FILIP1: variants seen among roughly 807,000 people sequenced by gnomAD.
The protein encoded by FILIP1 is filamin A interacting protein 1.
FILIP1 carries 61 observed loss-of-function variants against 102.1 expected under a neutral mutation model. The ratio of observed to expected loss-of-function variants is 0.60; its 90% CI spans 0.49 to 0.74. The LOEUF (loss-of-function observed/expected upper bound fraction) is 0.74. Ranked by LOEUF, FILIP1 falls within the 30% of genes least tolerant of loss-of-function variation. The probability of loss-of-function intolerance (pLI) is 0.00; values close to 1 mark genes in which losing one functional copy is unlikely to be tolerated. For missense variants in FILIP1, 1,314 were observed against 1,441.2 expected, an observed-to-expected ratio of 0.91 and a Z score of 1.43; for synonymous variants, 491 against 526.9, an observed-to-expected ratio of 0.93 and a Z score of 0.93.
intron 1 of FILIP1, among the ~76,000 whole-genome samples, chr6:75,443,606 T>C (rs1171743281): frequency 6.6e-6 from 1 of 152,186 alleles, no homozygotes; most frequent in Non-Finnish European, 1.5e-5. Context: ...ACATATCCTA[T>C]TTGCCAAGCA....
At chr6:75,353,978 G>A (rs560325324) in intron 3 of FILIP1, among the ~76,000 whole-genome samples, 2 of 151,562 alleles carry the variant, frequency 1.3e-5, no homozygotes, top group Non-Finnish European at 2.9e-5. Context: ...TTCCTTTTTT[G>A]GGGGGGTGGG....
At chr6:75,425,528 C>G (rs548174196) in intron 1 of FILIP1, among the ~76,000 whole-genome samples, 9 of 152,192 alleles carry the variant, frequency 5.9e-5, no homozygotes, top group Non-Finnish European at 1.3e-4. Flanking sequence ...CAGCTCCACA[C>G]TGGCCTTAAG....
At chr6:75,304,441 C>A (rs1173797577), downstream of FILIP1, among the ~76,000 whole-genome samples, 1 of 152,136 alleles carries the variant, frequency 6.6e-6, no homozygotes, top group Non-Finnish European at 1.5e-5. Flanking sequence ...GTCTCAAACT[C>A]CTGAGCTCTA....
At chr6:75,405,382 T>C (rs147838399) in intron 2 of FILIP1, among the ~76,000 whole-genome samples, 439 of 152,060 alleles carry the variant, frequency 2.9e-3, no homozygotes, top group Non-Finnish European at 5.2e-3. Flanking sequence ...TCTCTGGCTA[T>C]GTAAAACAAC....
At chr6:75,409,816 T>C (rs1016906520) in intron 2 of FILIP1, among the ~76,000 whole-genome samples, 1 of 152,090 alleles carries the variant, frequency 6.6e-6, no homozygotes, top group Non-Finnish European at 1.5e-5. Context: ...CCTGGACCCA[T>C]GACTCCTGAC....
downstream of FILIP1, among the ~76,000 whole-genome samples, chr6:75,307,023 GA>G: frequency 6.6e-6 from 1 of 152,164 alleles, no homozygotes; most frequent in African/African-American, 2.4e-5. Context: ...GGCTGGTCTC[GA>G]ACTCCTGGCC....
intron 1 of FILIP1, among the ~76,000 whole-genome samples, chr6:75,424,971 C>T (rs1777583287): frequency 1.3e-5 from 2 of 152,050 alleles, no homozygotes; most frequent in African/African-American, 4.8e-5. Flanking sequence ...AAAAGAATAA[C>T]TTAAAATCAG....
At chr6:75,377,582 T>C (rs568065039) in intron 2 of FILIP1, among the ~76,000 whole-genome samples, 2 of 152,318 alleles carry the variant, frequency 1.3e-5, no homozygotes, top group East Asian at 3.9e-4. Context: ...CAATTGCGCC[T>C]TTCTCCCTTC....
At chr6:75,299,913 GA>G (rs1772788529) in intron 6 of FILIP1, among the ~76,000 whole-genome samples, 1 of 152,160 alleles carries the variant, frequency 6.6e-6, no homozygotes, top group South Asian at 2.1e-4. Context: ...GTGTGCATGA[GA>G]TAGGATTTGG....
intron 4 of FILIP1, among the ~76,000 whole-genome samples, chr6:75,348,101 C>T (rs951138109): frequency 4.5e-4 from 33 of 72,790 alleles, no homozygotes; most frequent in Admixed American, 1.2e-3. Context: ...ACACACTTTT[C>T]CCTCAAATAT....
At chr6:75,483,030 C>CAAA (rs5877456) in intron 1 of FILIP1, among the ~76,000 whole-genome samples, 6 of 145,852 alleles carry the variant, frequency 4.1e-5, no homozygotes, top group African/African-American at 1.0e-4. Context: ...CTTTCTATTG[C>CAAA]AAAAAAAAAA....
chr6:75,424,951 T>C (rs546216482), intron 1 of FILIP1, among the ~76,000 whole-genome samples: 2 of 152,284 alleles, frequency 1.3e-5, no homozygotes, highest in Admixed American at 1.3e-4. Context: ...CCTAGAGCAT[T>C]TCATAACATA....
At chr6:75,404,791 C>A (rs1776779349) in intron 2 of FILIP1, among the ~76,000 whole-genome samples, 2 of 152,142 alleles carry the variant, frequency 1.3e-5, no homozygotes, top group African/African-American at 4.8e-5. Context: ...GGTCTCCTTC[C>A]TTTTCAAGAC....
At chr6:75,415,021 C>A (rs778538679) in intron 1 of FILIP1, 43 bp from the exon 2 acceptor site, 2 of 1,552,682 alleles carry the variant, frequency 1.3e-6, no homozygotes, top group Non-Finnish European at 1.7e-6. Context: ...TCTTTACCAC[C>A]ATCAAAATTA....
At chr6:75,475,681 T>C (rs1779455663) in intron 1 of FILIP1, among the ~76,000 whole-genome samples, 1 of 152,200 alleles carries the variant, frequency 6.6e-6, no homozygotes, top group African/African-American at 2.4e-5. Flanking sequence ...AATTATTTTA[T>C]GAGCCTCACC....
chr6:75,387,450 C>G (rs1776138422), intron 2 of FILIP1, among the ~76,000 whole-genome samples: 1 of 152,176 alleles, frequency 6.6e-6, no homozygotes, highest in Admixed American at 6.5e-5. Context: ...GTTCTAGATT[C>G]TTGAGGAATT....
intron 1 of FILIP1, among the ~76,000 whole-genome samples, chr6:75,436,063 A>G (rs1228339515): frequency 6.6e-6 from 1 of 152,114 alleles, no homozygotes; most frequent in African/African-American, 2.4e-5. Context: ...CACAGAAGTC[A>G]TAAGAGTTGC....
At chr6:75,442,535 C>T (rs907160411) in intron 1 of FILIP1, among the ~76,000 whole-genome samples, 7 of 152,146 alleles carry the variant, frequency 4.6e-5, no homozygotes, top group African/African-American at 1.7e-4. Flanking sequence ...GCGGATCCCT[C>T]GCGGTTAGGA....
chr6:75,463,381 T>C (rs1273518625), intron 1 of FILIP1, among the ~76,000 whole-genome samples: 1 of 152,224 alleles, frequency 6.6e-6, no homozygotes, highest in East Asian at 1.9e-4. Flanking sequence ...CGTGTTTGTG[T>C]GTAGTGGCGG....
Sources: gnomAD v4.1 joint callset for allele counts (sites outside exome capture counted in the v4.1 genomes callset) on GRCh38, gnomAD v4.1.1 for gene constraint, MANE v1.5 for transcripts, NCBI Gene and HGNC (gene_info 2026-07-23, HGNC 2026-07-21) for gene names.